The following IL15 variants were observed in gnomAD, a reference collection of about 807,000 sequenced individuals.
IL15 encodes interleukin-15.
A neutral mutation model predicts 19.6 loss-of-function variants in IL15; 11 were observed. That is an observed-to-expected ratio of 0.56 (90% CI 0.35 to 0.93). IL15 has a LOEUF of 0.93. Ranked by LOEUF, IL15 falls within the 40% of genes least tolerant of loss-of-function variation. The pLI is 0.01. For synonymous variants in IL15, 58 were observed against 59.6 expected (o/e 0.97, Z 0.12); for missense variants, 197 against 186.5 (o/e 1.06, Z -0.33).
At chr4:141,678,806 T>A (rs1312244971) in intron 2 of IL15, among the ~76,000 whole-genome samples, 1 of 152,142 alleles carries the variant, frequency 6.6e-6, no homozygotes, top group African/African-American at 2.4e-5. Flanking sequence ...TTCTCCGTGT[T>A]GGCCAGGATG....
intron 2 of IL15, among the ~76,000 whole-genome samples, chr4:141,705,427 A>G (rs1458887662): frequency 6.6e-6 from 1 of 151,948 alleles, no homozygotes; most frequent in East Asian, 1.9e-4. Flanking sequence ...GTTTTATTGC[A>G]TTATGGTTAG....
intron 5 of IL15, among the ~76,000 whole-genome samples, chr4:141,727,131 C>T (rs182237527): frequency 2.0e-5 from 3 of 152,152 alleles, no homozygotes; most frequent in African/African-American, 7.2e-5. Context: ...TGATGGGTGG[C>T]ATTATACATT....
chr4:141,672,981 C>T (rs1267003432), intron 2 of IL15, among the ~76,000 whole-genome samples: 1 of 152,174 alleles, frequency 6.6e-6, no homozygotes, highest in Non-Finnish European at 1.5e-5. Context: ...TAGCACCCTC[C>T]GCTAATGCCT....
intron 2 of IL15, among the ~76,000 whole-genome samples, chr4:141,703,671 C>G (rs6826882): frequency 0.022 from 3,207 of 143,662 alleles, 122 homozygotes; most frequent in African/African-American, 0.078. Context: ...TTCAAAAGGT[C>G]TGTGGATTTT....
At chr4:141,645,769 G>C (rs1232482468) in intron 1 of IL15, among the ~76,000 whole-genome samples, 1 of 152,108 alleles carries the variant, frequency 6.6e-6, no homozygotes, top group Non-Finnish European at 1.5e-5. Context: ...CAATGGTCAA[G>C]GGATGTCTGA....
chr4:141,695,149 C>T (rs1221971122), intron 2 of IL15, among the ~76,000 whole-genome samples: 2 of 151,972 alleles, frequency 1.3e-5, no homozygotes, highest in Non-Finnish European at 1.5e-5. Context: ...CAATTAAGTC[C>T]CAGGTTCTTA....
At chr4:141,692,836 G>C (rs919687313) in intron 2 of IL15, among the ~76,000 whole-genome samples, 1 of 151,648 alleles carries the variant, frequency 6.6e-6, no homozygotes, top group African/African-American at 2.4e-5. Context: ...CCTCCAAACT[G>C]TTCCAACGTC....
At chr4:141,698,093 A>T (rs1729161247) in intron 2 of IL15, among the ~76,000 whole-genome samples, 1 of 152,118 alleles carries the variant, frequency 6.6e-6, no homozygotes, top group Non-Finnish European at 1.5e-5. Context: ...TATTGAGATG[A>T]TCATATGGTT....
chr4:141,684,373 A>T (rs564817583), intron 2 of IL15, among the ~76,000 whole-genome samples: 1 of 152,086 alleles, frequency 6.6e-6, no homozygotes, highest in Admixed American at 6.6e-5. Flanking sequence ...TGATGTGTAA[A>T]TTTTTTTTCT....
chr4:141,643,129 C>G (rs1727108500), intron 1 of IL15, among the ~76,000 whole-genome samples: 1 of 152,172 alleles, frequency 6.6e-6, no homozygotes, highest in Admixed American at 6.5e-5. Flanking sequence ...AAATTCATCA[C>G]AGTTAATTCA....
At chr4:141,647,844 T>G (rs149374536) in intron 1 of IL15, among the ~76,000 whole-genome samples, 1 of 152,052 alleles carries the variant, frequency 6.6e-6, no homozygotes, top group East Asian at 1.9e-4. Flanking sequence ...CTCCACCTGA[T>G]AGATACTTCT....
chr4:141,695,563 T>C (rs1188047274), intron 2 of IL15, among the ~76,000 whole-genome samples: 2 of 152,068 alleles, frequency 1.3e-5, no homozygotes, highest in Non-Finnish European at 2.9e-5. Context: ...CTCTTTGATA[T>C]ATTTATTTCA....
intron 7 of IL15, among the ~76,000 whole-genome samples, chr4:141,731,581 A>G (rs1730453632): frequency 6.6e-6 from 1 of 152,212 alleles, no homozygotes; most frequent in African/African-American, 2.4e-5. Flanking sequence ...AGAGTGTGAC[A>G]TACGTGCTGG....
Position 141,677,585 on chromosome 4 carries a change from C to G in IL15, c.-100+21278C>G, listed in dbSNP as rs74508242. 9.7e-3 allele frequency among the ~76,000 whole-genome samples: 1,482 copies of G among 152,152 alleles called. 24 individuals are homozygous for G. Among genetic ancestry groups the G allele is most frequent in the African/African-American group, 0.034 (1,425 of 41,500 alleles). The stretch of plus-strand genomic sequence containing the variant: ...ACTTGCAGTTGTAGGAGTGAGGTAC[C>G]AGTTTTCTTGCTGGCTGTCAACAGG... On this transcript the variant is annotated intron_variant, in intron 2 of 7. Transcript: ENST00000320650.
At chr4:141,689,617 G>A (rs1346597024) in intron 2 of IL15, among the ~76,000 whole-genome samples, 2 of 147,522 alleles carry the variant, frequency 1.4e-5, no homozygotes, top group East Asian at 2.0e-4. Flanking sequence ...CCCCACCAGA[G>A]TAGCTAGATA....
At chr4:141,705,189 T>C (rs1729468819) in intron 2 of IL15, among the ~76,000 whole-genome samples, 1 of 151,912 alleles carries the variant, frequency 6.6e-6, no homozygotes, top group African/African-American at 2.4e-5. Context: ...ACTAGAAATC[T>C]TTCTTCTTTT....
intron 7 of IL15, among the ~76,000 whole-genome samples, chr4:141,730,558 G>A (rs886650684): frequency 6.6e-6 from 1 of 152,146 alleles, no homozygotes; most frequent in African/African-American, 2.4e-5. Flanking sequence ...TGTCTGCAGA[G>A]TCTGTTATCT....
intron 2 of IL15, among the ~76,000 whole-genome samples, chr4:141,691,827 T>G (rs1728922352): frequency 6.6e-6 from 1 of 152,162 alleles, no homozygotes; most frequent in African/African-American, 2.4e-5. Flanking sequence ...TATTGCAAGC[T>G]GTCAGTGGAT....
chr4:141,689,852 C>T (rs559494851), intron 2 of IL15, among the ~76,000 whole-genome samples: 11 of 152,352 alleles, frequency 7.2e-5, no homozygotes, highest in South Asian at 2.1e-4. Context: ...CTGCTCCGTG[C>T]GCCTACACTC....
Sources: allele counts gnomAD v4.1 joint callset (sites outside exome capture counted in the v4.1 genomes callset), GRCh38; gene constraint gnomAD v4.1.1; transcripts MANE v1.5; gene names NCBI Gene and HGNC (gene_info 2026-07-23, HGNC 2026-07-21).